Variants in MSTO1 observed in about 807,000 individuals in gnomAD.
MSTO1 encodes the protein misato mitochondrial distribution and morphology regulator 1, also known as protein misato homolog 1.
Under a neutral mutation model 55.7 loss-of-function variants are expected in MSTO1, and 24 were observed. That is an observed-to-expected ratio of 0.43 (90% CI 0.31 to 0.61). The LOEUF is 0.61. Ranked by LOEUF, MSTO1 falls within the 20% of genes least tolerant of loss-of-function variation. MSTO1 has a pLI of 0.09. For missense variants in MSTO1, 363 were observed against 625.7 expected, an observed-to-expected ratio of 0.58 and a Z score of 4.48; for synonymous variants, 162 against 252.8, an observed-to-expected ratio of 0.64 and a Z score of 3.41.
chr1:155,587,217 G>A, the MSTO1 span, among the ~76,000 whole-genome samples: 1 of 152,072 alleles, frequency 6.6e-6, no homozygotes, highest in Non-Finnish European at 1.5e-5. Flanking sequence ...TGAGGCGGGA[G>A]GATCACCTGA....
At chr1:155,578,648 C>T in the MSTO1 span, among the ~76,000 whole-genome samples, 6 of 150,360 alleles carry the variant, frequency 4.0e-5, no homozygotes, top group African/African-American at 1.2e-4. Context: ...GTAGCTGGGA[C>T]TACAGGCGCC....
chr1:155,569,927 A>G, the MSTO1 span, among the ~76,000 whole-genome samples: 2 of 152,130 alleles, frequency 1.3e-5, no homozygotes, highest in Admixed American at 6.6e-5. Context: ...TTTGGACAGT[A>G]TTTCTTTTAT....
At chr1:155,566,547 C>T in the MSTO1 span, among the ~76,000 whole-genome samples, 230 of 152,174 alleles carry the variant, frequency 1.5e-3, 1 homozygote, top group African/African-American at 5.3e-3. Context: ...GATCACACAC[C>T]ACTGCACTCC....
At position 155,612,482 on chromosome 1, in the gene MSTO1, A is replaced by C. The variant is rs1413180252; in HGVS notation, c.878A>C (p.His293Pro). Residue 293 changes from histidine to proline, a missense_variant, in exon 9 of 14, where the codon CAC becomes CCC. By Grantham distance (77) the His-to-Pro change is moderately conservative. Around this residue, in one of 3 missense-constraint regions of MSTO1, gnomAD observed 231 missense variants for 286.9 expected, o/e 0.81. Transcript: ENST00000245564. The part of the protein sequence containing the change: ...TAFGLVHLTA[H>P]SSLVCPLSLG... ...TTTGGTCTCGTGCACCTGACTGCTC[A>C]CAGCTCTCTTGTCTGCCCCTTGTCC... 1 of 1,613,874 alleles carries C rather than the reference A, an allele frequency of 6.2e-7. No individual in the cohort carries two copies. Among genetic ancestry groups the C allele is most frequent in the East Asian group, 2.2e-5 (1 of 44,890 alleles).
At chr1:155,582,679 T>C in the MSTO1 span, among the ~76,000 whole-genome samples, 1 of 151,796 alleles carries the variant, frequency 6.6e-6, no homozygotes, top group Admixed American at 6.6e-5. Context: ...CAGGCTGATC[T>C]TGAACTCCTG....
At position 155,612,028 on chromosome 1, in the gene MSTO1, A is replaced by G; in HGVS notation, c.606A>G (p.Leu202=). ...LEAFGQGESV[L]KEPKYQEELE... is the part of the protein sequence containing the mutation. ...CTTTTGGCCAAGGGGAAAGTGTCCT[A>G]AAGGAACCCAAGTACCAGGAAGAGC... The change falls in exon 7 of 14, where the codon CTA becomes CTG. Residue 202 remains leucine (L), a synonymous_variant. Transcript: ENST00000245564. 1 of 1,589,290 alleles carries G rather than the reference A, an allele frequency of 6.3e-7. No homozygotes were observed. The highest frequency in any genetic ancestry group is 1.1e-5 in the South Asian group (1 of 88,390).
chr1:155,571,961 G>A, the MSTO1 span, among the ~76,000 whole-genome samples: 1 of 151,244 alleles, frequency 6.6e-6, no homozygotes, highest in East Asian at 1.9e-4. Context: ...AGAATCATTT[G>A]AACCCAGGAG....
the MSTO1 span, among the ~76,000 whole-genome samples, chr1:155,594,958 G>A: frequency 7.2e-5 from 11 of 152,118 alleles, no homozygotes; most frequent in South Asian, 8.3e-4. Context: ...CCAACATGGC[G>A]AAACCCCGTC....
chr1:155,588,472 C>T, the MSTO1 span, among the ~76,000 whole-genome samples: 1 of 152,078 alleles, frequency 6.6e-6, no homozygotes, highest in African/African-American at 2.4e-5. Flanking sequence ...TCATGATCAA[C>T]TCATGAACGA....
chr1:155,598,849 C>T, the MSTO1 span: 2 of 1,428,598 alleles, frequency 1.4e-6, no homozygotes, highest in Non-Finnish European at 2.0e-6. Context: ...CGGAAAAACA[C>T]TCGGTCTTTG....
the MSTO1 span, among the ~76,000 whole-genome samples, chr1:155,594,141 C>T: frequency 6.6e-6 from 1 of 152,082 alleles, no homozygotes; most frequent in African/African-American, 2.4e-5. Context: ...GTGGCTCACA[C>T]CTGTAATCTC....
the MSTO1 span, among the ~76,000 whole-genome samples, chr1:155,575,804 A>T: frequency 4.4e-4 from 59 of 134,496 alleles, no homozygotes; most frequent in East Asian, 8.0e-3. Flanking sequence ...ATTTTTATTT[A>T]TTTATTTATT....
At chr1:155,595,224 C>T in the MSTO1 span, among the ~76,000 whole-genome samples, 1 of 132,854 alleles carries the variant, frequency 7.5e-6, no homozygotes, top group African/African-American at 2.8e-5. Flanking sequence ...GTCACCCAGG[C>T]TGGAGTGCAG....
At chr1:155,565,901 T>G in the MSTO1 span, 1 of 152,192 alleles carries the variant, frequency 6.6e-6, no homozygotes, top group East Asian at 1.9e-4. Flanking sequence ...GGATATCCAC[T>G]TCTTAATCCC....
the MSTO1 span, among the ~76,000 whole-genome samples, chr1:155,582,113 C>T: frequency 4.0e-5 from 6 of 151,424 alleles, no homozygotes; most frequent in African/African-American, 1.2e-4. Context: ...AAGGTGGTCT[C>T]GATCTCCTGA....
At chr1:155,604,884 T>C in the MSTO1 span, among the ~76,000 whole-genome samples, 1 of 151,834 alleles carries the variant, frequency 6.6e-6, no homozygotes, top group Non-Finnish European at 1.5e-5. Context: ...CAAAAAATGA[T>C]AAAATTAAAT....
the MSTO1 span, chr1:155,563,489 G>A: frequency 4.4e-6 from 2 of 456,594 alleles, no homozygotes; most frequent in East Asian, 1.4e-4. Context: ...GAAGATCGGC[G>A]TGGTGGTGTG....
chr1:155,610,045 C>G (rs1026684343), upstream of MSTO1, among the ~76,000 whole-genome samples: 25 of 152,174 alleles, frequency 1.6e-4, no homozygotes, highest in African/African-American at 5.3e-4. Context: ...CCGCCCCTCA[C>G]AGGCAACCAC....
At chr1:155,589,616 A>G in the MSTO1 span, among the ~76,000 whole-genome samples, 17 of 152,290 alleles carry the variant, frequency 1.1e-4, no homozygotes, top group East Asian at 2.1e-3. Context: ...GTCTGTGGCT[A>G]AAGGCCTGAG....
Sources: gnomAD v4.1 joint callset for allele counts (sites outside exome capture counted in the v4.1 genomes callset) on GRCh38, gnomAD v4.1.1 for gene constraint, gnomAD v4.1.1 regional missense constraint, MANE v1.5 for transcripts, NCBI Gene and HGNC (gene_info 2026-07-23, HGNC 2026-07-21) for gene names.